VWA2: variants seen among roughly 807,000 people sequenced by gnomAD.
VWA2 encodes von Willebrand factor A domain containing 2, also known as von Willebrand factor A domain-containing protein 2.
Under a neutral mutation model 70.4 loss-of-function variants are expected in VWA2, and 73 were observed. The ratio of observed to expected loss-of-function variants is 1.04; its 90% CI spans 0.86 to 1.26. VWA2 has a LOEUF of 1.26. Ranked by LOEUF, VWA2 falls within the 50% of genes most tolerant of loss-of-function variation. The pLI is 0.00. For missense variants in VWA2, 1,011 were observed against 998.5 expected, an observed-to-expected ratio of 1.01 and a Z score of -0.17; for synonymous variants, 407 against 423.3, an observed-to-expected ratio of 0.96 and a Z score of 0.47.
chr10:114,274,911 C>T (rs1435262391), intron 6 of VWA2, among the ~76,000 whole-genome samples: 1 of 152,126 alleles, frequency 6.6e-6, no homozygotes, highest in East Asian at 1.9e-4. Flanking sequence ...ATAGTGGTGC[C>T]ATCTCCCGAC....
chr10:114,270,227 T>G (rs1431778773), intron 5 of VWA2, among the ~76,000 whole-genome samples: 1 of 152,168 alleles, frequency 6.6e-6, no homozygotes, highest in African/African-American at 2.4e-5. Flanking sequence ...TTCACAACTA[T>G]GTAACTATCT....
intron 10 of VWA2, among the ~76,000 whole-genome samples, chr10:114,285,632 T>A (rs1299216037): frequency 6.6e-6 from 1 of 152,204 alleles, no homozygotes; most frequent in Non-Finnish European, 1.5e-5. Flanking sequence ...GAGCATATAT[T>A]TTCATGATCT....
chr10:114,258,690 G>A (rs993916501), intron 4 of VWA2, among the ~76,000 whole-genome samples: 2 of 152,164 alleles, frequency 1.3e-5, no homozygotes, highest in African/African-American at 4.8e-5. Context: ...GATGTACAGT[G>A]AAAAGTCTCC....
At chr10:114,266,761 T>G (rs2037576225) in intron 5 of VWA2, among the ~76,000 whole-genome samples, 1 of 152,136 alleles carries the variant, frequency 6.6e-6, no homozygotes, top group South Asian at 2.1e-4. Context: ...TGTGACTGAA[T>G]TTTTTGGACT....
intron 2 of VWA2, among the ~76,000 whole-genome samples, chr10:114,252,188 C>G (rs1308312309): frequency 6.6e-6 from 1 of 152,124 alleles, no homozygotes; most frequent in South Asian, 2.1e-4. Flanking sequence ...TTAATTTTGT[C>G]TACTGTCTTT....
chr10:114,243,803 G>T (rs181204277), intron 1 of VWA2, among the ~76,000 whole-genome samples: 264 of 152,252 alleles, frequency 1.7e-3, no homozygotes, highest in Non-Finnish European at 3.0e-3. Context: ...TAATTCCTGG[G>T]TAGTGCACAG....
intron 1 of VWA2, chr10:114,246,052 C>T (rs919293841): frequency 1.6e-6 from 1 of 608,724 alleles, no homozygotes; most frequent in African/African-American, 1.9e-5. Context: ...CTGTGGCACC[C>T]TGGACTACCT....
Position 114,286,141 on chromosome 10 carries a change from C to T in VWA2, c.1200C>T (p.Tyr400=). Residue 400 remains tyrosine (Y), a synonymous_variant, in exon 11 of 14, where the codon TAC becomes TAT. Coordinates refer to ENST00000392982, the MANE Select transcript of VWA2 (RefSeq NM_001272046.2). ...TGGTGGCGGTGCCTGTGGGGGAGTA[C>T]CAGGATGTGCCTGACCTGGTCTGGA... The part of the protein sequence containing the change: ...ELLVAVPVGE[Y]QDVPDLVWSL... The T allele has an allele frequency of 1.2e-6, 2 of 1,614,082 alleles. No individual in the cohort carries two copies. Among genetic ancestry groups the T allele is most frequent in the South Asian group, 1.1e-5 (1 of 91,080 alleles).
rs1401408682 is a variant in VWA2, at chr10:114,289,265, C to T, written c.1898C>T (p.Pro633Leu). Reference sequence around the variant, plus strand: ...CAGAGGGGTGCCCGGCCTGGTGTCCCCAAAGCTGTGGTGGTGCTCACAGGC... The same window carrying T: ...CAGAGGGGTGCCCGGCCTGGTGTCCTCAAAGCTGTGGTGGTGCTCACAGGC... ...TVQRGARPGV[P>L]KAVVVLTGGR... The change falls in exon 12 of 14, where the codon CCC becomes CTC. Residue 633 changes from proline (P) to leucine (L), a missense_variant. Physicochemically the swap from Pro to Leu is moderately conservative, Grantham distance 98 (BLOSUM62 -3). Coordinates refer to ENST00000392982, the MANE Select transcript of VWA2 (RefSeq NM_001272046.2). The T allele has an allele frequency of 1.9e-6, 3 of 1,614,000 alleles. No individual in the cohort carries two copies. The highest frequency in any genetic ancestry group is 1.3e-5 in the African/African-American group (1 of 74,926).
At chr10:114,279,674 A>G (rs1212221908) in intron 8 of VWA2, among the ~76,000 whole-genome samples, 2 of 152,150 alleles carry the variant, frequency 1.3e-5, no homozygotes, top group African/African-American at 4.8e-5. Flanking sequence ...TCAGAACCCA[A>G]CCTCTCAAGT....
chr10:114,267,406 C>T (rs965920383), intron 5 of VWA2, among the ~76,000 whole-genome samples: 4 of 149,086 alleles, frequency 2.7e-5, no homozygotes, highest in Admixed American at 6.7e-5. Context: ...TGTGAGCCAC[C>T]GCGCCGGCTG....
chr10:114,278,633 G>A (rs988964382), intron 7 of VWA2, 86 bp from the exon 8 acceptor site: 22 of 1,571,336 alleles, frequency 1.4e-5, no homozygotes, highest in South Asian at 3.5e-5. Context: ...TCCCAGGAGC[G>A]GGAGCAGCTG....
Position 114,239,540 on chromosome 10 carries a change from C to T in VWA2, c.-40C>T, listed in dbSNP as rs1157541997. 6.6e-6 allele frequency: 1 copy of T among 152,228 alleles called. No homozygotes were observed. Among genetic ancestry groups the T allele is most frequent in the Non-Finnish European group, 1.5e-5 (1 of 68,090 alleles). The allele number at this position is 152,228 out of a possible 1,614,324, so 9.4% of individuals were successfully genotyped here. A position where few individuals can be genotyped will look rare whatever the true frequency, so the allele number is the denominator to read the frequency against. On this transcript the variant is annotated 5_prime_UTR_variant, in exon 1 of 14. Transcript: ENST00000392982. ...GGGTCTGTGAGTAGAGCCGCCCGGG[C>T]ACCGAGCGCTGGTCGCCGCTCTCCT... is the stretch of plus-strand genomic sequence containing the variant.
Position 114,261,106 on chromosome 10 carries a change from C to G in VWA2, c.262-80C>G, listed in dbSNP as rs534744229. On this transcript the variant is annotated intron_variant, in intron 4 of 13. Transcript: ENST00000392982. ...AGTGGATGGGAGGCAGGGTTGTTAA[C>G]TTTTCTTGCCCCTTCTTTCCTCTTA... 9.5e-6 allele frequency: 10 copies of G among 1,053,242 alleles called. No individual in the cohort carries two copies. The African/African-American group carries it at 1.3e-4, about 13-fold the overall frequency. The allele number at this position is 1,053,242 out of a possible 1,614,324, so 65.2% of individuals were successfully genotyped here.
In VWA2 at chr10:114,284,896, G is replaced by A. The variant is rs992837057; in HGVS notation, c.923G>A (p.Gly308Asp). 1.2e-6 allele frequency: 2 copies of A among 1,607,856 alleles called. No individual in the cohort carries two copies. The highest frequency in any genetic ancestry group is 1.7e-5 in the Admixed American group (1 of 58,802). ...PCDSQPCQNGGTCVPEGLDGY... is the reference protein window; with the variant it reads ...PCDSQPCQNGDTCVPEGLDGY... ...GACTCGCAGCCCTGCCAGAATGGAGGCACATGTGTTCCAGAAGGACTGGAC... is the reference window on the plus strand; with the variant it reads ...GACTCGCAGCCCTGCCAGAATGGAGACACATGTGTTCCAGAAGGACTGGAC... The change falls in exon 10 of 14, where the codon GGC (glycine) becomes GAC (aspartate). Residue 308 changes from glycine to aspartate, a missense_variant. Coordinates refer to ENST00000392982, the MANE Select transcript of VWA2 (RefSeq NM_001272046.2).
chr10:114,263,713 TATGGAGATATATTTTATATGCC>T, intron 5 of VWA2, among the ~76,000 whole-genome samples: 1 of 152,326 alleles, frequency 6.6e-6, no homozygotes, highest in Non-Finnish European at 1.5e-5. Context: ...AAAACAGCTT[TATGGAGATATATTTTATATGCC>T]ATAAAGTTAA....
At chr10:114,284,605 T>C (rs1003441) in intron 9 of VWA2, among the ~76,000 whole-genome samples, 133,082 of 152,228 alleles carry the variant, frequency 0.87, 58,547 homozygotes, top group East Asian at 0.98. Flanking sequence ...TTGTCAAGCT[T>C]CAGTCTAACA....
chr10:114,249,755 T>C (rs562997526), intron 2 of VWA2, among the ~76,000 whole-genome samples: 5 of 152,312 alleles, frequency 3.3e-5, no homozygotes, highest in Admixed American at 6.5e-5. Context: ...AGCATTTGGG[T>C]TGACTCCATG....
Position 114,291,945 on chromosome 10 carries a change from T to C in VWA2, c.*708T>C, listed in dbSNP as rs2039641285. On this transcript the variant is annotated 3_prime_UTR_variant, in exon 14 of 14. Coordinates refer to ENST00000392982, the MANE Select transcript of VWA2 (RefSeq NM_001272046.2). The stretch of plus-strand genomic sequence containing the variant: ...CTGGAGGGGCCACGTAAAATCGTTC[T>C]GAGTCGTGAGCAGTGTCCACCTGAA... Among the ~76,000 whole-genome samples the C allele has an allele frequency of 1.3e-5, 2 of 152,170 alleles. No homozygotes were observed. The highest frequency in any genetic ancestry group is 2.9e-5 in the Non-Finnish European group (2 of 68,030).
Sources: allele counts gnomAD v4.1 joint callset (sites outside exome capture counted in the v4.1 genomes callset), GRCh38; gene constraint gnomAD v4.1.1; transcripts MANE v1.5; gene names NCBI Gene and HGNC (gene_info 2026-07-23, HGNC 2026-07-21).